The following AKAP1 variants were observed in gnomAD, a reference collection of about 807,000 sequenced individuals.
AKAP1 encodes A-kinase anchor protein 1, mitochondrial.
AKAP1 carries 32 observed loss-of-function variants against 79.8 expected under a neutral mutation model. The observed-to-expected ratio is 0.40, with a 90% confidence interval of 0.30 to 0.54. The LOEUF (loss-of-function observed/expected upper bound fraction) is 0.54. Among genes scored for constraint, AKAP1 ranks in the 20% least tolerant of loss-of-function variants. The pLI is 0.47. For missense variants in AKAP1, 961 were observed against 1,138.9 expected, an observed-to-expected ratio of 0.84 and a Z score of 2.25; for synonymous variants, 416 against 466.7, an observed-to-expected ratio of 0.89 and a Z score of 1.40.
intron 1 of AKAP1, among the ~76,000 whole-genome samples, chr17:57,100,445 A>ACACACACACACG (rs1374626229): frequency 7.8e-6 from 1 of 128,646 alleles, no homozygotes; most frequent in African/African-American, 2.6e-5. Context: ...ACACACACAC[A>ACACACACACACG]CGCACACACA....
Position 57,116,175 on chromosome 17 carries a change from C to G in AKAP1, c.2346C>G (p.Ser782=). Residue 782 remains serine, a synonymous_variant, in exon 7 of 11, where the codon TCC becomes TCG. Coordinates refer to ENST00000337714, the MANE Select transcript of AKAP1 (RefSeq NM_003488.4). ...GGTGGCGAGCCCAAGTGGTTGCCTCCTACGAGGAGACCAACGAAGTGGAGA... is the reference window on the plus strand; with the variant it reads ...GGTGGCGAGCCCAAGTGGTTGCCTCGTACGAGGAGACCAACGAAGTGGAGA... ...GAWWRAQVVA[S]YEETNEVEIR... 6.2e-7 allele frequency: 1 copy of G among 1,614,106 alleles called. No homozygotes were observed. Among genetic ancestry groups the G allele is most frequent in the African/African-American group, 1.3e-5 (1 of 75,046 alleles).
At chr17:57,107,626 C>T (rs1423733822) in intron 2 of AKAP1, among the ~76,000 whole-genome samples, 1 of 152,148 alleles carries the variant, frequency 6.6e-6, no homozygotes, top group Non-Finnish European at 1.5e-5. Flanking sequence ...GTGTGAGTCA[C>T]TATGCCCAGC....
At chr17:57,090,941 G>T (rs1293030966) in intron 1 of AKAP1, among the ~76,000 whole-genome samples, 35 of 152,226 alleles carry the variant, frequency 2.3e-4, no homozygotes, top group Admixed American at 2.2e-3. Context: ...GCCCTCCAAA[G>T]GCTGTCACCC....
At chr17:57,111,375 G>T (rs1042920178) in intron 3 of AKAP1, among the ~76,000 whole-genome samples, 6 of 152,210 alleles carry the variant, frequency 3.9e-5, no homozygotes, top group South Asian at 2.1e-4. Flanking sequence ...AGGGAGAGGG[G>T]CACGAGAAAT....
In AKAP1 at chr17:57,086,535, CAGGTGCG is replaced by C. The variant is rs1299909269; in HGVS notation, c.-25+1140_-25+1146del. 3.0e-5 allele frequency: 13 copies of C among 439,028 alleles called. No homozygotes were observed. Among genetic ancestry groups the C allele is most frequent in the African/African-American group, 2.6e-4 (13 of 49,344 alleles). The allele number at this position is 439,028 out of a possible 1,614,324, so 27.2% of individuals were successfully genotyped here. A position where few individuals can be genotyped will look rare whatever the true frequency, so the allele number is the denominator to read the frequency against. On this transcript the variant is annotated intron_variant, in intron 1 of 10. Coordinates refer to ENST00000337714, the MANE Select transcript of AKAP1 (RefSeq NM_003488.4). This position sits in a 1 kb window ranked among gnomAD's most constrained non-coding sequence, Gnocchi z 5.1. ...AACACAAACCCGGTGGACTTCGCTC[CAGGTGCG>C]AGTCGAGGCCTCTCAAGCTGGGTAG...
chr17:57,110,423 G>C (rs113339535), intron 3 of AKAP1, among the ~76,000 whole-genome samples: 3 of 152,212 alleles, frequency 2.0e-5, no homozygotes, highest in African/African-American at 7.2e-5. Context: ...GTCTCCCTTG[G>C]GGGTGGTTCT....
In AKAP1 at chr17:57,116,275, C is replaced by G. The variant is rs759276124; in HGVS notation, c.2432+14C>G. On this transcript the variant is annotated intron_variant, in intron 7 of 10. Coordinates refer to ENST00000337714, the MANE Select transcript of AKAP1 (RefSeq NM_003488.4). ...CCGGCAAATCAGGTGAGCGGAGATGCCTCAGGCAGGCCTACGCCCTGCTTG... is the reference window on the plus strand; with the variant it reads ...CCGGCAAATCAGGTGAGCGGAGATGGCTCAGGCAGGCCTACGCCCTGCTTG... 7 of 1,613,958 alleles carry G rather than the reference C, an allele frequency of 4.3e-6. No homozygotes were observed. In the East Asian group the frequency reaches 8.9e-5, roughly 21 times the overall value.
At chr17:57,117,247 G>A (rs545536193) in intron 8 of AKAP1, among the ~76,000 whole-genome samples, 22 of 152,182 alleles carry the variant, frequency 1.4e-4, no homozygotes, top group Admixed American at 2.6e-4. Context: ...GGTTGAGGGC[G>A]TGCTGGTCAC....
chr17:57,105,620 T>C lies in AKAP1; in HGVS notation c.156T>C (p.Pro52=), dbSNP rs376694513. The C allele has an allele frequency of 1.2e-6, 2 of 1,613,972 alleles. No individual in the cohort carries two copies. Among genetic ancestry groups the C allele is most frequent in the Non-Finnish European group, 1.7e-6 (2 of 1,180,022 alleles). ...EAGAVQLRAD[P]AIKEPLPVED... ...GTGCTGTGCAGCTGAGGGCTGACCC[T>C]GCCATCAAGGAACCTCTCCCCGTGG... The change falls in exon 2 of 11, where the codon CCT becomes CCC. Residue 52 remains proline (P), a synonymous_variant. Transcript: ENST00000337714.
chr17:57,101,108 C>G (rs1243727036), intron 1 of AKAP1, among the ~76,000 whole-genome samples: 1 of 152,208 alleles, frequency 6.6e-6, no homozygotes, highest in Non-Finnish European at 1.5e-5. Flanking sequence ...TGTCTTTACT[C>G]TTTTATTTGA....
chr17:57,119,037 G>T lies in AKAP1; in HGVS notation c.2630G>T (p.Gly877Val). The T allele has an allele frequency of 6.2e-7, 1 of 1,613,838 alleles. No individual in the cohort carries two copies. Residue 877 changes from glycine (G) to valine (V), a missense_variant, in exon 10 of 11, where the codon GGA (glycine) becomes GTA (valine). This residue lies in a region of AKAP1 where 629 missense variants were observed against 781.1 expected (regional missense o/e 0.81). Transcript: ENST00000337714. ...CTGATTCAGCTGTGGAGTGTGGTTG[G>T]AGATGAAGTAAGTTCTGCCCTTCTT... ...LPLIQLWSVV[G>V]DEVVLINRSL...
chr17:57,092,393 G>C (rs1415279620), intron 1 of AKAP1: 1 of 152,198 alleles, frequency 6.6e-6, no homozygotes, highest in Admixed American at 6.6e-5. Flanking sequence ...TTTTTGCAAA[G>C]TCTGATTCAA....
chr17:57,092,502 G>C (rs921440060), intron 1 of AKAP1: 1 of 152,230 alleles, frequency 6.6e-6, no homozygotes, highest in Non-Finnish European at 1.5e-5. Flanking sequence ...AGAGTAAGGG[G>C]GGCTTATTAT....
chr17:57,118,953 A>G (rs554247669), intron 9 of AKAP1, 29 bp from the exon 10 acceptor site: 3 of 1,610,286 alleles, frequency 1.9e-6, no homozygotes, highest in East Asian at 2.2e-5. Flanking sequence ...AAACCTAACC[A>G]TATTATTCTT....
In AKAP1 at chr17:57,107,063, C is replaced by T. The variant is rs1914934494; in HGVS notation, c.1599C>T (p.Thr533=). 1.9e-6 allele frequency: 3 copies of T among 1,614,214 alleles called. No homozygotes were observed. The African/African-American group carries it at 4.0e-5, about 22-fold the overall frequency. ...CGAGCCCCAGGGACAAGGCCATCACCCCGCCACTGCCAGAAAGTACTGTGC... is the reference window on the plus strand; with the variant it reads ...CGAGCCCCAGGGACAAGGCCATCACTCCGCCACTGCCAGAAAGTACTGTGC... The part of the protein sequence containing the change: ...TSSSPRDKAI[T]PPLPESTVPF... The change falls in exon 2 of 11, where the codon ACC becomes ACT. Residue 533 remains threonine, a synonymous_variant. Transcript: ENST00000337714.
chr17:57,088,316 A>G (rs919404140), intron 1 of AKAP1, among the ~76,000 whole-genome samples: 1 of 152,232 alleles, frequency 6.6e-6, no homozygotes, highest in South Asian at 2.1e-4. Flanking sequence ...GGCTGTGGAA[A>G]ACATCATCAG....
intron 1 of AKAP1, among the ~76,000 whole-genome samples, chr17:57,099,812 A>T (rs967430563): frequency 6.6e-6 from 1 of 152,182 alleles, no homozygotes; most frequent in Non-Finnish European, 1.5e-5. Context: ...GGTGAAGTGC[A>T]GGGAGCCTAG....
At chr17:57,109,909 TGAG>T in intron 2 of AKAP1, 113 bp from the exon 3 acceptor site, 1 of 1,377,874 alleles carries the variant, frequency 7.3e-7, no homozygotes, top group Non-Finnish European at 1.0e-6. Context: ...CTGCCAAGCT[TGAG>T]GAGCGGGTGT....
intron 1 of AKAP1, among the ~76,000 whole-genome samples, chr17:57,090,237 A>G (rs1257600433): frequency 2.0e-5 from 3 of 152,014 alleles, no homozygotes; most frequent in South Asian, 2.1e-4. Flanking sequence ...TTTGGTATAT[A>G]TAATGTGAGA....
Sources: gnomAD v4.1 joint callset for allele counts (sites outside exome capture counted in the v4.1 genomes callset) on GRCh38, gnomAD v4.1.1 for gene constraint, gnomAD v4.1.1 regional missense constraint, Gnocchi (gnomAD v3.1) non-coding constraint, MANE v1.5 for transcripts, NCBI Gene and HGNC (gene_info 2026-07-23, HGNC 2026-07-21) for gene names.